Variants in PTAR1 observed in about 807,000 individuals in gnomAD.
The protein encoded by PTAR1 is protein prenyltransferase alpha subunit repeat-containing protein 1.
A neutral mutation model predicts 45.5 loss-of-function variants in PTAR1; 17 were observed. That is an observed-to-expected ratio of 0.37 (90% CI 0.26 to 0.56). The LOEUF (loss-of-function observed/expected upper bound fraction) is 0.56, where lower values mean the gene tolerates loss of function less well. PTAR1 is among the 20% of genes least tolerant of loss of function. The pLI is 0.77. For missense variants in PTAR1, 391 were observed against 476.3 expected (o/e 0.82, Z 1.67); for synonymous variants, 169 against 171.3 (o/e 0.99, Z 0.11).
At chr9:69,726,021 A>G (rs940920943) in intron 5 of PTAR1, among the ~76,000 whole-genome samples, 1 of 152,172 alleles carries the variant, frequency 6.6e-6, no homozygotes, top group Admixed American at 6.5e-5. Context: ...GCTAAAAATG[A>G]AAGACTACTA....
intron 2 of PTAR1, among the ~76,000 whole-genome samples, chr9:69,748,505 T>C (rs1826378164): frequency 6.6e-6 from 1 of 152,190 alleles, no homozygotes; most frequent in African/African-American, 2.4e-5. Flanking sequence ...TCAGTTTGGT[T>C]AGGAAGAAAA....
Position 69,734,038 on chromosome 9 carries a change from T to G in PTAR1, c.428+112A>C. The G allele has an allele frequency of 1.2e-5, 8 of 667,410 alleles. No homozygotes were observed. In the South Asian group the frequency reaches 1.5e-4, roughly 13 times the overall value. The allele number at this position is 667,410 out of a possible 1,614,324, so 41.3% of individuals were successfully genotyped here. ...AGATTTAAATGTAGGTAACCTGACT[T>G]CAGAATTCATGCTCTGGAACCAATA... On this transcript the variant is annotated intron_variant, in intron 4 of 7. Transcript: ENST00000340434.
At chr9:69,753,726 G>A (rs1172728047) in intron 1 of PTAR1, among the ~76,000 whole-genome samples, 1 of 152,102 alleles carries the variant, frequency 6.6e-6, no homozygotes, top group Non-Finnish European at 1.5e-5. Context: ...AGCACTAGGG[G>A]GAAAAACACA....
intron 6 of PTAR1, among the ~76,000 whole-genome samples, chr9:69,721,038 G>A (rs1234843139): frequency 6.6e-6 from 1 of 152,184 alleles, no homozygotes; most frequent in African/African-American, 2.4e-5. Flanking sequence ...TTCAAGTCTT[G>A]TTAAGAAATA....
At chr9:69,724,147 G>T (rs945704191) in intron 5 of PTAR1, among the ~76,000 whole-genome samples, 2 of 152,006 alleles carry the variant, frequency 1.3e-5, no homozygotes, top group African/African-American at 4.8e-5. Flanking sequence ...TGTCTGTCTT[G>T]CTCACTACTT....
chr9:69,718,742 T>G, intron 6 of PTAR1, 58 bp from the exon 7 acceptor site: 1 of 1,382,920 alleles, frequency 7.2e-7, no homozygotes, highest in Non-Finnish European at 9.7e-7. Flanking sequence ...AGTCAAGCTT[T>G]TCCAGAAAAA....
At chr9:69,741,743 T>TTC (rs1251496788) in intron 3 of PTAR1, 49 bp downstream of exon 3, 3 of 1,283,892 alleles carry the variant, frequency 2.3e-6, no homozygotes, top group African/African-American at 2.9e-5. Flanking sequence ...CTTACATGTC[T>TTC]TCAGAAATTT....
At chr9:69,744,866 C>T (rs1200870657) in intron 2 of PTAR1, among the ~76,000 whole-genome samples, 1 of 152,198 alleles carries the variant, frequency 6.6e-6, no homozygotes, top group Non-Finnish European at 1.5e-5. Context: ...TGAGTAAGCA[C>T]AGTCCCTGGC....
At chr9:69,732,451 G>A (rs1825583725) in intron 4 of PTAR1, 99 bp from the exon 5 acceptor site, 1 of 859,200 alleles carries the variant, frequency 1.2e-6, no homozygotes, top group Non-Finnish European at 1.8e-6. Flanking sequence ...TCCATTCAGA[G>A]ACAATGCAAA....
intron 1 of PTAR1, among the ~76,000 whole-genome samples, chr9:69,755,600 A>T (rs1182513898): frequency 6.6e-6 from 1 of 152,150 alleles, no homozygotes; most frequent in Non-Finnish European, 1.5e-5. Context: ...TGGTAAAAAC[A>T]TTTTAAATCT....
intron 1 of PTAR1, among the ~76,000 whole-genome samples, chr9:69,752,269 A>G (rs1336089028): frequency 6.6e-6 from 1 of 152,110 alleles, no homozygotes; most frequent in Non-Finnish European, 1.5e-5. Context: ...TGAATTACAA[A>G]GTAGGAGAAA....
chr9:69,744,324 C>CA lies in PTAR1; in HGVS notation c.257-2467dup, dbSNP rs201463971. On this transcript the variant is annotated intron_variant, in intron 2 of 7. Transcript: ENST00000340434. Reference sequence around the variant, plus strand: ...TGTCTTCCCGTCTCCTAATATTTAACAAAAAAAAAGTTTAAAGGCTTTCCT... The same window carrying CA: ...TGTCTTCCCGTCTCCTAATATTTAACAAAAAAAAAAGTTTAAAGGCTTTCCT... Among the ~76,000 whole-genome samples, 837 of 148,784 alleles carry CA rather than the reference C, an allele frequency of 5.6e-3. 3 individuals carry two copies. The highest frequency in any genetic ancestry group is 0.018 in the African/African-American group (722 of 40,604).
At chr9:69,732,056 C>CA in intron 5 of PTAR1, 83 bp downstream of exon 5, 1 of 975,906 alleles carries the variant, frequency 1.0e-6, no homozygotes. Flanking sequence ...TCTACTCCTT[C>CA]AAAGCTCTTC....
At chr9:69,740,842 G>A (rs1174378073) in intron 3 of PTAR1, among the ~76,000 whole-genome samples, 1 of 152,094 alleles carries the variant, frequency 6.6e-6, no homozygotes, top group Non-Finnish European at 1.5e-5. Flanking sequence ...TGTTCTAACA[G>A]CTATATTAAA....
chr9:69,721,499 A>G (rs889063599), intron 6 of PTAR1, among the ~76,000 whole-genome samples: 10 of 152,236 alleles, frequency 6.6e-5, no homozygotes, highest in Non-Finnish European at 1.5e-4. Flanking sequence ...GTATGACACA[A>G]ACTTAGTTGA....
Position 69,714,904 on chromosome 9 carries a change from A to G in PTAR1, c.*3438T>C, listed in dbSNP as rs1311759553. ...CTCATACAGATTTAAGAAATATCTG[A>G]AAGAGTCACAGTTCAAGTTGCGGGG... On this transcript the variant is annotated 3_prime_UTR_variant, in exon 8 of 8. Transcript: ENST00000340434. 6.6e-6 allele frequency: 1 copy of G among 152,120 alleles called. No homozygotes were observed. Among genetic ancestry groups the G allele is most frequent in the Admixed American group, 6.6e-5 (1 of 15,244 alleles). The allele number at this position is 152,120 out of a possible 1,614,324, so 9.4% of individuals were successfully genotyped here. A position where few individuals can be genotyped will look rare whatever the true frequency, so the allele number is the denominator to read the frequency against.
intron 3 of PTAR1, among the ~76,000 whole-genome samples, chr9:69,737,951 C>T (rs1158862893): frequency 2.0e-5 from 3 of 152,116 alleles, no homozygotes; most frequent in Non-Finnish European, 4.4e-5. Flanking sequence ...GTACCTTTGT[C>T]AAAATTTATG....
chr9:69,741,356 T>C (rs1826035565), intron 3 of PTAR1, among the ~76,000 whole-genome samples: 1 of 152,152 alleles, frequency 6.6e-6, no homozygotes, highest in African/African-American at 2.4e-5. Context: ...TAAATGGCAA[T>C]TCCATCCTTT....
chr9:69,749,284 CT>C (rs1165996450), intron 2 of PTAR1, among the ~76,000 whole-genome samples: 8 of 152,150 alleles, frequency 5.3e-5, no homozygotes, highest in Non-Finnish European at 1.0e-4. Flanking sequence ...GATAATCATT[CT>C]ATCCCCTAAC....
Sources: gnomAD v4.1 joint callset for allele counts (sites outside exome capture counted in the v4.1 genomes callset) on GRCh38, gnomAD v4.1.1 for gene constraint, MANE v1.5 for transcripts, NCBI Gene and HGNC (gene_info 2026-07-23, HGNC 2026-07-21) for gene names.